FGFR4: variants seen among roughly 807,000 people sequenced by gnomAD.
FGFR4 encodes hydroxyaryl-protein kinase.
FGFR4 carries 63 observed loss-of-function variants against 89.9 expected under a neutral mutation model. That is an observed-to-expected ratio of 0.70 (90% CI 0.57 to 0.86). The LOEUF (loss-of-function observed/expected upper bound fraction) is 0.86, where lower values mean the gene tolerates loss of function less well. Ranked by LOEUF, FGFR4 falls within the 40% of genes least tolerant of loss-of-function variation. The probability of loss-of-function intolerance (pLI) is 0.00; values close to 1 mark genes in which losing one functional copy is unlikely to be tolerated. For missense variants in FGFR4, 928 were observed against 1,106.7 expected (o/e 0.84, Z 2.29); for synonymous variants, 486 against 479.4 (o/e 1.01, Z -0.18).
At position 177,093,272 on chromosome 5, in the gene FGFR4, C is replaced by A. The variant is rs759709290; in HGVS notation, c.1192C>A (p.Arg398=). The change falls in exon 9 of 18, where the codon CGG becomes AGG. Residue 398 remains arginine, a synonymous_variant. Coordinates refer to ENST00000292408, the MANE Select transcript of FGFR4 (RefSeq NM_213647.3). This position sits in a 1 kb window ranked among gnomAD's most constrained non-coding sequence, Gnocchi z 5.8. ...GTATCGAGGGCAGGCGCTCCACGGC[C>A]GGCACCCCCGCCCGCCCGCCACTGT... ...GLYRGQALHG[R]HPRPPATVQK... 1 of 1,612,812 alleles carries A rather than the reference C, an allele frequency of 6.2e-7. No individual in the cohort carries two copies. Among genetic ancestry groups the A allele is most frequent in the South Asian group, 1.1e-5 (1 of 91,008 alleles).
In FGFR4 at chr5:177,093,535, G is replaced by T. The variant is rs758122858; in HGVS notation, c.1381G>T (p.Glu461Ter). ...SLDLPLDPLW[E>*]FPRDRLVLGK... is the part of the protein sequence containing the mutation. ...AGATCTACCTCTCGACCCACTATGG[G>T]AGTTCCCCCGGGACAGGTGCGCTGA... The change falls in exon 10 of 18, where the codon GAG becomes TAG. Residue 461 changes from glutamate to a stop codon, truncating the protein, a stop_gained. Coordinates refer to ENST00000292408, the MANE Select transcript of FGFR4 (RefSeq NM_213647.3). LOFTEE classifies it high-confidence loss of function. This position sits in a 1 kb window ranked among gnomAD's most constrained non-coding sequence, Gnocchi z 5.8. 6 of 1,613,618 alleles carry T rather than the reference G, an allele frequency of 3.7e-6. No individual in the cohort carries two copies. The South Asian group carries it at 6.6e-5, about 18-fold the overall frequency.
In FGFR4 at chr5:177,095,323, C is replaced by CT. The variant is rs1562074172; in HGVS notation, c.1520-5dup. 1.2e-6 allele frequency: 2 copies of CT among 1,613,632 alleles called. No homozygotes were observed. Among genetic ancestry groups the CT allele is most frequent in the Middle Eastern group, 1.7e-4 (1 of 6,050 alleles). ...CAGCCTCTTCACCCCGTCTGCTGCC[C>CT]TTACAGACAACGCCTCTGACAAGGA... On this transcript the variant is annotated splice_polypyrimidine_tract_variant and splice_region_variant and intron_variant, in intron 11 of 17. Coordinates refer to ENST00000292408, the MANE Select transcript of FGFR4 (RefSeq NM_213647.3). The surrounding 1 kb of genome is among the most constrained non-coding windows in gnomAD (Gnocchi z 5.7).
chr5:177,087,478 GC>G lies in FGFR4; in HGVS notation c.-54+404del. On this transcript the variant is annotated intron_variant, in intron 1 of 17. Coordinates refer to ENST00000292408, the MANE Select transcript of FGFR4 (RefSeq NM_213647.3). The surrounding 1 kb of genome is among the most constrained non-coding windows in gnomAD (Gnocchi z 6.1). The stretch of plus-strand genomic sequence containing the variant: ...GCCCCGAAAAGTTCAGTCACTTAGT[GC>G]CCGGGGGCCTCCAGCGCGAGTGCGG... 1 of 656,462 alleles carries G rather than the reference GC, an allele frequency of 1.5e-6. No individual in the cohort carries two copies. Among genetic ancestry groups the G allele is most frequent in the Non-Finnish European group, 1.9e-6 (1 of 529,988 alleles). 40.7% of individuals were successfully genotyped at this position (656,462 alleles called of 1,614,324 possible). A position where few individuals can be genotyped will look rare whatever the true frequency, so the allele number is the denominator to read the frequency against.
At chr5:177,092,816 A>T in intron 8 of FGFR4, 32 bp downstream of exon 8, 1 of 1,614,070 alleles carries the variant, frequency 6.2e-7, no homozygotes, top group Non-Finnish European at 8.5e-7. Flanking sequence ...AGATGCTGCG[A>T]GATGCCCCTC....
chr5:177,091,192 A>C, intron 5 of FGFR4, 88 bp downstream of exon 5: 19 of 1,424,944 alleles, frequency 1.3e-5, no homozygotes, highest in East Asian at 5.1e-5. Context: ...CTATAAATCA[A>C]TCGAATGAGT....
At position 177,087,483 on chromosome 5, in the gene FGFR4, G is replaced by A. The variant is rs1784192315; in HGVS notation, c.-54+406G>A. The A allele has an allele frequency of 1.4e-6, 1 of 689,990 alleles. No homozygotes were observed. The highest frequency in any genetic ancestry group is 1.8e-6 in the Non-Finnish European group (1 of 560,500). The allele number at this position is 689,990 out of a possible 1,614,324, so 42.7% of individuals were successfully genotyped here. A position where few individuals can be genotyped will look rare whatever the true frequency, so the allele number is the denominator to read the frequency against. On this transcript the variant is annotated intron_variant, in intron 1 of 17. Coordinates refer to ENST00000292408, the MANE Select transcript of FGFR4 (RefSeq NM_213647.3). This position sits in a 1 kb window ranked among gnomAD's most constrained non-coding sequence, Gnocchi z 6.1. The stretch of plus-strand genomic sequence containing the variant: ...GAAAAGTTCAGTCACTTAGTGCCCG[G>A]GGGCCTCCAGCGCGAGTGCGGGAGG...
At position 177,091,018 on chromosome 5, in the gene FGFR4, C is replaced by A. The variant is rs1213584611; in HGVS notation, c.517C>A (p.Pro173Thr). 2 of 1,613,392 alleles carry A rather than the reference C, an allele frequency of 1.2e-6. No individual in the cohort carries two copies. Among genetic ancestry groups the A allele is most frequent in the South Asian group, 2.2e-5 (2 of 91,060 alleles). ...PAGNTVKFRCPAAGNPTPTIR... is the reference protein window; with the variant it reads ...PAGNTVKFRCTAAGNPTPTIR... ...GGGGAACACCGTCAAGTTCCGCTGT[C>A]CAGCTGCAGGCAACCCCACGCCCAC... The change falls in exon 5 of 18, where the codon CCA becomes ACA. Residue 173 changes from proline (P) to threonine (T), a missense_variant. Pro to Thr is a conservative substitution (Grantham distance 38). Around this residue, in one of 5 missense-constraint regions of FGFR4, gnomAD observed 741 missense variants for 836.9 expected, o/e 0.89. Transcript: ENST00000292408.
intron 11 of FGFR4, among the ~76,000 whole-genome samples, chr5:177,094,656 T>C (rs1372810930): frequency 6.6e-6 from 1 of 151,796 alleles, no homozygotes; most frequent in African/African-American, 2.4e-5. Flanking sequence ...CTCCTTGCAG[T>C]TCCCCAGCCC....
At chr5:177,096,822 G>A (rs951863937) in intron 16 of FGFR4, 81 bp downstream of exon 16, 131 of 1,500,368 alleles carry the variant, frequency 8.7e-5, no homozygotes, top group Non-Finnish European at 1.1e-4. Flanking sequence ...GGTGTGTCCC[G>A]GCCAGAAGGA....
chr5:177,093,663 T>C lies in FGFR4; in HGVS notation c.1407T>C (p.Leu469=), dbSNP rs375716068. 24 of 1,613,990 alleles carry C rather than the reference T, an allele frequency of 1.5e-5. No individual in the cohort carries two copies. The African/African-American group carries it at 2.8e-4, about 19-fold the overall frequency. The change falls in exon 11 of 18, where the codon CTT becomes CTC. Residue 469 remains leucine (L), a synonymous_variant. Transcript: ENST00000292408. This position sits in a 1 kb window ranked among gnomAD's most constrained non-coding sequence, Gnocchi z 5.8. ...CTTTCTCCATCTCCAGGCTGGTGCT[T>C]GGGAAGCCCCTAGGCGAGGGCTGCT... ...LWEFPRDRLV[L]GKPLGEGCFG... is the part of the protein sequence containing the mutation.
Position 177,095,274 on chromosome 5 carries a change from ATGCTCCCTCG to A in FGFR4, c.1520-52_1520-43del. 7.0e-7 allele frequency: 1 copy of A among 1,432,314 alleles called. No individual in the cohort carries two copies. Among genetic ancestry groups the A allele is most frequent in the African/African-American group, 1.4e-5 (1 of 71,362 alleles). 88.7% of individuals were successfully genotyped at this position (1,432,314 alleles called of 1,614,324 possible). A position where few individuals can be genotyped will look rare whatever the true frequency, so the allele number is the denominator to read the frequency against. ...CTGCTTGTCCTGCACCTGCCTCTGC[ATGCTCCCTCG>A]TGCAGTTGGAGGGCAGCCTCTTCAC... On this transcript the variant is annotated intron_variant, in intron 11 of 17. Coordinates refer to ENST00000292408, the MANE Select transcript of FGFR4 (RefSeq NM_213647.3). This position sits in a 1 kb window ranked among gnomAD's most constrained non-coding sequence, Gnocchi z 5.7.
rs542115984 is a variant in FGFR4 at position 177,093,501 on chromosome 5, C to T, written c.1347C>T (p.Leu449=). The T allele has an allele frequency of 6.2e-6, 10 of 1,613,944 alleles. No homozygotes were observed. The highest frequency in any genetic ancestry group is 1.6e-4 in the Middle Eastern group (1 of 6,062). The change falls in exon 10 of 18, where the codon CTC becomes CTT. Residue 449 remains leucine, a synonymous_variant. Coordinates refer to ENST00000292408, the MANE Select transcript of FGFR4 (RefSeq NM_213647.3). This position sits in a 1 kb window ranked among gnomAD's most constrained non-coding sequence, Gnocchi z 5.8. ...GCGGCCCCGCCTTGCTCGCCGGCCT[C>T]GTGAGTCTAGATCTACCTCTCGACC... ...SSSGPALLAG[L]VSLDLPLDPL... is the part of the protein sequence containing the mutation.
At position 177,095,283 on chromosome 5, in the gene FGFR4, C is replaced by T. The variant is rs759501538; in HGVS notation, c.1520-47C>T. On this transcript the variant is annotated intron_variant, in intron 11 of 17. Transcript: ENST00000292408. This position sits in a 1 kb window ranked among gnomAD's most constrained non-coding sequence, Gnocchi z 5.7. ...CTGCACCTGCCTCTGCATGCTCCCT[C>T]GTGCAGTTGGAGGGCAGCCTCTTCA... 11 of 1,493,092 alleles carry T rather than the reference C, an allele frequency of 7.4e-6. No individual in the cohort carries two copies. The highest frequency in any genetic ancestry group is 1.4e-5 in the African/African-American group (1 of 72,500). The allele number at this position is 1,493,092 out of a possible 1,614,324, so 92.5% of individuals were successfully genotyped here. A position where few individuals can be genotyped will look rare whatever the true frequency, so the allele number is the denominator to read the frequency against.
At chr5:177,094,982 C>T (rs1021092426) in intron 11 of FGFR4, 7 of 283,264 alleles carry the variant, frequency 2.5e-5, no homozygotes, top group African/African-American at 1.5e-4. Flanking sequence ...GGGACTACCG[C>T]TGACCCCTCC....
rs1784301307 is a variant in FGFR4 at position 177,090,128 on chromosome 5, G to GTA, written c.92-261_92-260insAT. The stretch of plus-strand genomic sequence containing the variant: ...TGTGTGTGTGTCCGTATGTGTGTGT[G>GTA]TGTATGCGTGTGTGTGTGTGTGTGT... On this transcript the variant is annotated intron_variant, in intron 2 of 17. Transcript: ENST00000292408. 3 of 603,772 alleles carry GTA rather than the reference G, an allele frequency of 5.0e-6. No individual in the cohort carries two copies. The Admixed American group carries it at 7.4e-5, about 15-fold the overall frequency. The allele number at this position is 603,772 out of a possible 1,614,324, so 37.4% of individuals were successfully genotyped here. A position where few individuals can be genotyped will look rare whatever the true frequency, so the allele number is the denominator to read the frequency against.
chr5:177,092,202 G>T, intron 6 of FGFR4, 119 bp from the exon 7 acceptor site: 1 of 1,056,470 alleles, frequency 9.5e-7, no homozygotes, highest in South Asian at 1.9e-5. Flanking sequence ...GTAAGCAGGA[G>T]ACAGACAAGA....
intron 1 of FGFR4, chr5:177,088,654 C>CT (rs1454514755): frequency 1.7e-5 from 3 of 173,340 alleles, no homozygotes; most frequent in Non-Finnish European, 3.7e-5. Flanking sequence ...CAGAGGCGTC[C>CT]TTGGTAGCAT....
chr5:177,091,630 C>G, intron 5 of FGFR4, 55 bp from the exon 6 acceptor site: 1 of 1,604,710 alleles, frequency 6.2e-7, no homozygotes, highest in East Asian at 2.2e-5. Flanking sequence ...TCCTGGTCCT[C>G]TGGCCCCCTT....
chr5:177,092,532 C>A, intron 7 of FGFR4, 21 bp downstream of exon 7: 1 of 1,561,286 alleles, frequency 6.4e-7, no homozygotes, highest in Non-Finnish European at 8.7e-7. Flanking sequence ...CACCCTGCTG[C>A]AGCCTGGGCC....
Sources: gnomAD v4.1 joint callset for allele counts (sites outside exome capture counted in the v4.1 genomes callset) on GRCh38, gnomAD v4.1.1 for gene constraint, gnomAD v4.1.1 regional missense constraint, Gnocchi (gnomAD v3.1) non-coding constraint, MANE v1.5 for transcripts, NCBI Gene and HGNC (gene_info 2026-07-23, HGNC 2026-07-21) for gene names.